CDH2: variants seen among roughly 807,000 people sequenced by gnomAD.
The protein encoded by CDH2 is cadherin-2.
A neutral mutation model predicts 92.0 loss-of-function variants in CDH2; 17 were observed. The observed-to-expected ratio is 0.18, with a 90% confidence interval of 0.13 to 0.28. The LOEUF (loss-of-function observed/expected upper bound fraction) is 0.28. Ranked by LOEUF, CDH2 falls within the 10% of genes least tolerant of loss-of-function variation. The pLI is 1.00. For missense variants in CDH2, 862 were observed against 1,133.1 expected, an observed-to-expected ratio of 0.76 and a Z score of 3.44; for synonymous variants, 419 against 415.9, an observed-to-expected ratio of 1.01 and a Z score of -0.09.
chr18:27,983,534 T>C (rs1025196430), intron 13 of CDH2, among the ~76,000 whole-genome samples: 3 of 152,204 alleles, frequency 2.0e-5, no homozygotes, highest in Non-Finnish European at 2.9e-5. Context: ...AAAACACTTA[T>C]CCAGGAGGAC....
chr18:28,064,239 G>A (rs1245956711), intron 2 of CDH2, among the ~76,000 whole-genome samples: 1 of 152,002 alleles, frequency 6.6e-6, no homozygotes, highest in Non-Finnish European at 1.5e-5. Flanking sequence ...CCTGGGGAGT[G>A]GGAAATTTTT....
In CDH2 at chr18:27,990,345, G is replaced by A. The variant is rs200254715; in HGVS notation, c.1350C>T (p.Ile450=). 118 of 1,606,138 alleles carry A rather than the reference G, an allele frequency of 7.3e-5. 2 individuals carry two copies. The South Asian group carries it at 9.6e-4, about 13-fold the overall frequency. The part of the protein sequence containing the change: ...NDGLVTVVKP[I]DFETNRMFVL... ...CAAACATCCTATTTGTTTCAAAGTCGATTGGCTGGAAAATAAAAGGGAAGC... is the reference window on the plus strand; with the variant it reads ...CAAACATCCTATTTGTTTCAAAGTCAATTGGCTGGAAAATAAAAGGGAAGC... Residue 450 remains isoleucine, a synonymous_variant, in exon 10 of 16, where the codon ATC becomes ATT. Transcript: ENST00000269141.
At chr18:27,934,868 T>A (rs547924285) in intron 6 of CDH2, among the ~76,000 whole-genome samples, 2 of 152,182 alleles carry the variant, frequency 1.3e-5, no homozygotes, top group Admixed American at 1.3e-4. Flanking sequence ...CTTTCCTTTA[T>A]TTCAAATTCC....
intron 2 of CDH2, among the ~76,000 whole-genome samples, chr18:28,142,164 A>T (rs2144317377): frequency 6.6e-6 from 1 of 152,170 alleles, no homozygotes; most frequent in East Asian, 1.9e-4. Flanking sequence ...GTGCGATCTT[A>T]AAAGGACAGG....
chr18:28,176,937 C>T, intron 1 of CDH2, 26 bp downstream of exon 1: 4 of 1,197,416 alleles, frequency 3.3e-6, no homozygotes, highest in Admixed American at 4.0e-5. Flanking sequence ...CCGCCCGTGG[C>T]CCGGCCCGCG....
At chr18:27,947,448 T>A (rs749039165), downstream of CDH2, among the ~76,000 whole-genome samples, 2 of 151,794 alleles carry the variant, frequency 1.3e-5, no homozygotes, top group Admixed American at 1.3e-4. Flanking sequence ...TTGAATAAAA[T>A]TTGTTATGGA....
chr18:28,151,459 A>G (rs2016120204), intron 1 of CDH2, among the ~76,000 whole-genome samples: 2 of 152,212 alleles, frequency 1.3e-5, no homozygotes, highest in South Asian at 4.1e-4. Context: ...AGGAGTGCCA[A>G]GCTCAAAATG....
chr18:28,014,485 T>C (rs1046845723), intron 2 of CDH2, among the ~76,000 whole-genome samples: 1 of 152,192 alleles, frequency 6.6e-6, no homozygotes, highest in Non-Finnish European at 1.5e-5. Context: ...TTTATTAATG[T>C]TGAATGTTTA....
intron 5 of CDH2, among the ~76,000 whole-genome samples, chr18:28,006,700 A>G (rs565893803): frequency 6.8e-5 from 10 of 146,278 alleles, no homozygotes; most frequent in Non-Finnish European, 1.5e-4. Context: ...CCTGGGTGAC[A>G]GAGTGGGACT....
chr18:28,073,994 G>T (rs1036153354), intron 2 of CDH2, among the ~76,000 whole-genome samples: 4 of 152,158 alleles, frequency 2.6e-5, no homozygotes, highest in Non-Finnish European at 5.9e-5. Context: ...GTCAGAGGTG[G>T]TGGGAAGCAG....
rs546438155 is a variant in CDH2, at chr18:27,988,661, G to C, written c.1604C>G (p.Thr535Ser). ...DRYMQQNIRY[T>S]KLSDPANWLK... is the part of the protein sequence containing the mutation. The stretch of plus-strand genomic sequence containing the variant: ...CCAATTGGCAGGATCAGATAATTTA[G>C]TGTATCTACAAAATGAAAGTGAAGT... The change falls in exon 11 of 16, where the codon ACT (threonine) becomes AGT (serine). Residue 535 changes from threonine to serine, a missense_variant. Transcript: ENST00000269141. 8.2e-6 allele frequency: 13 copies of C among 1,591,448 alleles called. No individual in the cohort carries two copies. The highest frequency in any genetic ancestry group is 4.0e-5 in the African/African-American group (3 of 74,130).
At chr18:28,131,387 G>A (rs1195252051) in intron 2 of CDH2, among the ~76,000 whole-genome samples, 6 of 152,262 alleles carry the variant, frequency 3.9e-5, no homozygotes, top group African/African-American at 1.4e-4. Flanking sequence ...AAGAGGTAGC[G>A]AGATCTCAGT....
chr18:28,122,845 T>G (rs1476473072), intron 2 of CDH2, among the ~76,000 whole-genome samples: 2 of 152,122 alleles, frequency 1.3e-5, no homozygotes, highest in Non-Finnish European at 2.9e-5. Flanking sequence ...CTAAAAGAAA[T>G]TCTCCAGTGG....
intron 1 of CDH2, among the ~76,000 whole-genome samples, chr18:28,173,874 A>G (rs993412048): frequency 1.3e-5 from 2 of 152,238 alleles, no homozygotes; most frequent in Admixed American, 6.5e-5. Context: ...ATTATTTAAA[A>G]GGAAAGCTAG....
At chr18:28,173,527 C>T (rs796969804) in intron 1 of CDH2, among the ~76,000 whole-genome samples, 6 of 152,232 alleles carry the variant, frequency 3.9e-5, no homozygotes, top group African/African-American at 1.4e-4. Context: ...TTTATGTATA[C>T]TTCATATGTT....
chr18:28,079,620 G>A (rs950907073), intron 2 of CDH2, among the ~76,000 whole-genome samples: 5 of 152,314 alleles, frequency 3.3e-5, no homozygotes, highest in African/African-American at 4.8e-5. Flanking sequence ...TACGGTTAAT[G>A]GTTTAAGGGG....
intron 15 of CDH2, among the ~76,000 whole-genome samples, chr18:27,956,036 A>G (rs901887587): frequency 9.9e-5 from 15 of 152,130 alleles, no homozygotes; most frequent in Admixed American, 3.9e-4. Flanking sequence ...TATTTTGGTA[A>G]TTCTAAAAAG....
chr18:27,952,013 T>C lies in CDH2; in HGVS notation c.*140A>G, dbSNP rs200920347. ...CACTGATATTCCCTCTGAGCCCAAA[T>C]TGGTTTGCAGCCTATGCCAAAGCCT... On this transcript the variant is annotated 3_prime_UTR_variant, in exon 16 of 16. Transcript: ENST00000269141. 15 of 695,536 alleles carry C rather than the reference T, an allele frequency of 2.2e-5. No homozygotes were observed. Among genetic ancestry groups the C allele is most frequent in the Middle Eastern group, 4.0e-4 (1 of 2,482 alleles). The allele number at this position is 695,536 out of a possible 1,614,324, so 43.1% of individuals were successfully genotyped here. A position where few individuals can be genotyped will look rare whatever the true frequency, so the allele number is the denominator to read the frequency against.
chr18:27,942,585 A>G (rs565146521), intron 6 of CDH2, among the ~76,000 whole-genome samples: 1 of 152,342 alleles, frequency 6.6e-6, no homozygotes, highest in South Asian at 2.1e-4. Context: ...TGGAAGGCCA[A>G]GAGTTAGTAT....
Sources: allele counts gnomAD v4.1 joint callset (sites outside exome capture counted in the v4.1 genomes callset), GRCh38; gene constraint gnomAD v4.1.1; transcripts MANE v1.5; gene names NCBI Gene and HGNC (gene_info 2026-07-23, HGNC 2026-07-21).